PDE4B: variants seen among roughly 807,000 people sequenced by gnomAD.
PDE4B encodes the protein 3',5'-cyclic-AMP phosphodiesterase 4B.
Under a neutral mutation model 82.2 loss-of-function variants are expected in PDE4B, and 20 were observed. That is an observed-to-expected ratio of 0.24 (90% CI 0.17 to 0.35). The LOEUF (loss-of-function observed/expected upper bound fraction) is 0.35. Ranked by LOEUF, PDE4B falls within the 10% of genes least tolerant of loss-of-function variation. The pLI is 1.00. For synonymous variants in PDE4B, 320 were observed against 318.9 expected (o/e 1.00, Z -0.04); for missense variants, 655 against 907.2 (o/e 0.72, Z 3.57).
chr1:66,251,532 T>C (rs1434617035), intron 4 of PDE4B, among the ~76,000 whole-genome samples: 2 of 152,214 alleles, frequency 1.3e-5, no homozygotes, highest in Non-Finnish European at 2.9e-5. Context: ...AGACAGTTTC[T>C]GTGTCTTCAA....
At position 66,342,447 on chromosome 1, in the gene PDE4B, C is replaced by T. The variant is rs12028475; in HGVS notation, c.747+9827C>T. 5.2e-4 allele frequency among the ~76,000 whole-genome samples: 78 copies of T among 151,430 alleles called. No individual in the cohort carries two copies. In the South Asian group the frequency reaches 0.012, roughly 24 times the overall value. Reference sequence around the variant, plus strand: ...AAAAGTGACTGGGCGCAGTGGCTCACGCCTGTAATCCCAGCACTTTGGGAA... The same window carrying T: ...AAAAGTGACTGGGCGCAGTGGCTCATGCCTGTAATCCCAGCACTTTGGGAA... On this transcript the variant is annotated intron_variant, in intron 8 of 16. Coordinates refer to ENST00000341517, the MANE Select transcript of PDE4B (RefSeq NM_002600.4).
intron 1 of PDE4B, among the ~76,000 whole-genome samples, chr1:65,855,687 C>A (rs901490257): frequency 4.6e-5 from 7 of 152,066 alleles, no homozygotes; most frequent in Non-Finnish European, 8.8e-5. Flanking sequence ...ATTTCTGGAG[C>A]CCCCGCTTTT....
At chr1:66,275,840 TC>T (rs1370193292) in intron 7 of PDE4B, among the ~76,000 whole-genome samples, 2 of 152,182 alleles carry the variant, frequency 1.3e-5, no homozygotes, top group Non-Finnish European at 1.5e-5. Flanking sequence ...ACTCACTGGA[TC>T]TTTTTCTTGG....
At chr1:66,216,486 A>G (rs1425568094) in intron 3 of PDE4B, among the ~76,000 whole-genome samples, 2 of 152,146 alleles carry the variant, frequency 1.3e-5, no homozygotes, top group South Asian at 2.1e-4. Flanking sequence ...TGAATGTTCA[A>G]CTACACCTCT....
chr1:65,825,919 A>AC, intron 1 of PDE4B, among the ~76,000 whole-genome samples: 1 of 152,062 alleles, frequency 6.6e-6, no homozygotes, highest in African/African-American at 2.4e-5. Context: ...GAATACTTTT[A>AC]CAGTGATGGT....
At chr1:66,184,801 C>CTT (rs201823933) in intron 3 of PDE4B, among the ~76,000 whole-genome samples, 6 of 145,622 alleles carry the variant, frequency 4.1e-5, no homozygotes, top group Admixed American at 6.9e-5. Context: ...CAGAGTTTTT[C>CTT]TTTTTTTTTT....
At chr1:65,955,653 C>G (rs1474033261) in intron 3 of PDE4B, among the ~76,000 whole-genome samples, 2 of 152,094 alleles carry the variant, frequency 1.3e-5, no homozygotes, top group African/African-American at 4.8e-5. Flanking sequence ...AGGGTGTTAT[C>G]CTTTCTCTGG....
intron 3 of PDE4B, among the ~76,000 whole-genome samples, chr1:66,206,479 A>G (rs1442022875): frequency 6.6e-6 from 1 of 152,234 alleles, no homozygotes; most frequent in Non-Finnish European, 1.5e-5. Flanking sequence ...AGGAAGCAGC[A>G]AGAAGGTAGA....
At chr1:66,053,476 A>G (rs184777245) in intron 3 of PDE4B, among the ~76,000 whole-genome samples, 110 of 152,318 alleles carry the variant, frequency 7.2e-4, no homozygotes, top group African/African-American at 2.6e-3. Context: ...TGAAGTTGGT[A>G]CCATTATTAT....
At chr1:66,116,108 G>A (rs544085598) in intron 3 of PDE4B, among the ~76,000 whole-genome samples, 52 of 152,308 alleles carry the variant, frequency 3.4e-4, no homozygotes, top group African/African-American at 1.2e-3. Context: ...AGAGCAGTTC[G>A]TTCTTAACCT....
intron 1 of PDE4B, among the ~76,000 whole-genome samples, chr1:65,867,891 C>G (rs1294840252): frequency 6.6e-6 from 1 of 152,200 alleles, no homozygotes; most frequent in African/African-American, 2.4e-5. Flanking sequence ...CATCTGTTCT[C>G]TCTAAAAATC....
intron 8 of PDE4B, among the ~76,000 whole-genome samples, chr1:66,338,123 T>C (rs1467229491): frequency 6.6e-6 from 1 of 152,240 alleles, no homozygotes; most frequent in African/African-American, 2.4e-5. Context: ...GTAATCAATA[T>C]TCACAGTAAC....
At chr1:66,179,052 A>C (rs1287051307) in intron 3 of PDE4B, among the ~76,000 whole-genome samples, 1 of 152,068 alleles carries the variant, frequency 6.6e-6, no homozygotes. Flanking sequence ...AGGTTTCACC[A>C]TGTTGGCCAG....
chr1:66,241,227 C>T (rs976825588), intron 3 of PDE4B, among the ~76,000 whole-genome samples: 1 of 152,180 alleles, frequency 6.6e-6, no homozygotes. Context: ...TGCCTGCCTT[C>T]GTCTAGGTCG....
chr1:66,311,160 C>T (rs72926316), intron 7 of PDE4B, among the ~76,000 whole-genome samples: 5,356 of 152,168 alleles, frequency 0.035, 166 homozygotes, highest in African/African-American at 0.074. Flanking sequence ...TGCAGCTGAG[C>T]GCCAACCTAA....
At chr1:65,937,809 G>A (rs1221621074) in intron 3 of PDE4B, among the ~76,000 whole-genome samples, 4 of 152,102 alleles carry the variant, frequency 2.6e-5, no homozygotes, top group Non-Finnish European at 5.9e-5. Context: ...GGGAAGTGCA[G>A]GTTTTATATA....
chr1:65,887,234 C>CTTTCTTTCT (rs1646793065), intron 1 of PDE4B, among the ~76,000 whole-genome samples: 1 of 14,468 alleles, frequency 6.9e-5, no homozygotes, highest in South Asian at 2.6e-3. Flanking sequence ...TTCTTTCTTT[C>CTTTCTTTCT]TTTCTTTCTT....
intron 3 of PDE4B, among the ~76,000 whole-genome samples, chr1:66,014,898 T>C (rs1162547040): frequency 6.6e-6 from 1 of 152,166 alleles, no homozygotes; most frequent in African/African-American, 2.4e-5. Context: ...TGAGGAACCC[T>C]GGCCTAGAGT....
chr1:65,880,575 G>T (rs1036163590), intron 1 of PDE4B, among the ~76,000 whole-genome samples: 1 of 152,182 alleles, frequency 6.6e-6, no homozygotes, highest in Non-Finnish European at 1.5e-5. Flanking sequence ...TCATAAAAGT[G>T]ACCCCAGAGG....
Sources: gnomAD v4.1 joint callset for allele counts (sites outside exome capture counted in the v4.1 genomes callset) on GRCh38, gnomAD v4.1.1 for gene constraint, MANE v1.5 for transcripts, NCBI Gene and HGNC (gene_info 2026-07-23, HGNC 2026-07-21) for gene names.